The following KCNMA1 variants were observed in gnomAD, a reference collection of about 807,000 sequenced individuals.
KCNMA1 encodes potassium calcium-activated channel subfamily M alpha 1.
A neutral mutation model predicts 140.0 loss-of-function variants in KCNMA1; 29 were observed. The ratio of observed to expected loss-of-function variants is 0.21; its 90% CI spans 0.15 to 0.28. KCNMA1 has a LOEUF of 0.28. Among genes scored for constraint, KCNMA1 ranks in the 10% least tolerant of loss-of-function variants. The probability of loss-of-function intolerance (pLI) is 1.00; values close to 1 mark genes in which losing one functional copy is unlikely to be tolerated. For synonymous variants in KCNMA1, 612 were observed against 611.9 expected, an observed-to-expected ratio of 1.00 and a Z score of 0.00; for missense variants, 880 against 1,602.2, an observed-to-expected ratio of 0.55 and a Z score of 7.70.
At chr10:77,169,315 G>A (rs11002058) in intron 5 of KCNMA1, among the ~76,000 whole-genome samples, 23,818 of 152,074 alleles carry the variant, frequency 0.16, 2,103 homozygotes, top group African/African-American at 0.23. Flanking sequence ...GGCTGGAGAA[G>A]AAGGCTAGGT....
At chr10:77,278,975 G>C (rs1429634256) in intron 2 of KCNMA1, among the ~76,000 whole-genome samples, 3 of 152,102 alleles carry the variant, frequency 2.0e-5, no homozygotes, top group African/African-American at 7.2e-5. Flanking sequence ...TGATGAATAG[G>C]AATAGTCCAT....
intron 15 of KCNMA1, among the ~76,000 whole-genome samples, chr10:77,033,709 T>G (rs2094116185): frequency 6.6e-6 from 1 of 152,120 alleles, no homozygotes; most frequent in Non-Finnish European, 1.5e-5. Context: ...CCCTGACCCT[T>G]CTGTAGAGAA....
intron 1 of KCNMA1, among the ~76,000 whole-genome samples, chr10:77,558,679 A>C (rs1019229739): frequency 2.6e-5 from 4 of 152,160 alleles, no homozygotes; most frequent in African/African-American, 9.7e-5. Flanking sequence ...GCCCCCAAGA[A>C]AGCTGCCCCT....
intron 16 of KCNMA1, chr10:77,020,979 G>C (rs2092767817): frequency 6.6e-6 from 1 of 151,954 alleles, no homozygotes; most frequent in Non-Finnish European, 1.5e-5. Context: ...TGTATAGAAG[G>C]CTCAATGCAT....
At chr10:77,556,502 CAAAAAAAAAAA>C (rs11446237) in intron 1 of KCNMA1, among the ~76,000 whole-genome samples, 2 of 68,902 alleles carry the variant, frequency 2.9e-5, no homozygotes, top group African/African-American at 6.9e-5. Flanking sequence ...GGGACTATCT[CAAAAAAAAAAA>C]AAAAAAAAAA....
intron 1 of KCNMA1, among the ~76,000 whole-genome samples, chr10:77,560,714 G>A (rs1032114652): frequency 6.6e-6 from 1 of 152,194 alleles, no homozygotes; most frequent in Non-Finnish European, 1.5e-5. Context: ...GATCTCCTGA[G>A]GCTGACCAGG....
At chr10:77,571,243 G>T (rs1192754659) in intron 1 of KCNMA1, among the ~76,000 whole-genome samples, 5 of 152,160 alleles carry the variant, frequency 3.3e-5, no homozygotes, top group Non-Finnish European at 2.9e-5. Flanking sequence ...CGTGGTGACT[G>T]GTTTCCTCAT....
chr10:77,150,031 T>C (rs2098389890), intron 5 of KCNMA1: 1 of 152,148 alleles, frequency 6.6e-6, no homozygotes, highest in African/African-American at 2.4e-5. Flanking sequence ...CAGAAGTTGG[T>C]CTCGGGCTAT....
At chr10:77,521,414 G>C (rs2053340685) in intron 1 of KCNMA1, among the ~76,000 whole-genome samples, 2 of 152,208 alleles carry the variant, frequency 1.3e-5, no homozygotes, top group Non-Finnish European at 2.9e-5. Context: ...TGGCAGCAAA[G>C]TGCAAGATTA....
intron 1 of KCNMA1, among the ~76,000 whole-genome samples, chr10:77,587,377 C>T (rs950250438): frequency 6.6e-6 from 1 of 152,136 alleles, no homozygotes; most frequent in African/African-American, 2.4e-5. Context: ...TCTCTCCAAG[C>T]ATTATAATGA....
At chr10:77,256,181 T>C (rs555766) in intron 2 of KCNMA1, among the ~76,000 whole-genome samples, 116,920 of 152,094 alleles carry the variant, frequency 0.77, 45,521 homozygotes, top group East Asian at 0.96. Flanking sequence ...GTGATTGAGT[T>C]GGGAAAGCTG....
chr10:77,564,285 T>C (rs944230853), intron 1 of KCNMA1, among the ~76,000 whole-genome samples: 2 of 152,054 alleles, frequency 1.3e-5, no homozygotes. Context: ...TCAAAGGTGA[T>C]TTCATGGCCA....
chr10:77,224,857 A>G (rs1565332076), intron 3 of KCNMA1, among the ~76,000 whole-genome samples: 1 of 152,200 alleles, frequency 6.6e-6, no homozygotes, highest in Non-Finnish European at 1.5e-5. Flanking sequence ...AAGAGCTAAT[A>G]TAAAGAAAAT....
chr10:76,894,590 G>T (rs187635326), intron 25 of KCNMA1, among the ~76,000 whole-genome samples: 1 of 151,874 alleles, frequency 6.6e-6, no homozygotes, highest in East Asian at 1.9e-4. Flanking sequence ...GTCTGATAAG[G>T]GTCTAATATT....
intron 3 of KCNMA1, among the ~76,000 whole-genome samples, chr10:77,237,694 C>A (rs1048054436): frequency 2.0e-5 from 3 of 152,062 alleles, no homozygotes; most frequent in Non-Finnish European, 4.4e-5. Flanking sequence ...CTCAAGTGAT[C>A]CTCTTACCTC....
intron 1 of KCNMA1, among the ~76,000 whole-genome samples, chr10:77,570,893 T>C (rs969388524): frequency 1.1e-4 from 16 of 150,394 alleles, no homozygotes; most frequent in African/African-American, 3.4e-4. Flanking sequence ...ATTGCGCCAC[T>C]GCACTAGAAC....
rs142008071 is a variant in KCNMA1, at chr10:77,406,683, C to T, written c.379-2660G>A. On this transcript the variant is annotated intron_variant, in intron 1 of 27. Transcript: ENST00000286628. ...ACCCCCAGCTCTCTCCTGGCCTCTC[C>T]CTTCACCCAAGGACAGAACCACCTG... Among the ~76,000 whole-genome samples the T allele has an allele frequency of 1.3e-4, 20 of 152,298 alleles. No individual in the cohort carries two copies. The East Asian group carries it at 3.9e-3, about 29-fold the overall frequency.
At chr10:77,506,590 A>AGTGTGTGT (rs1252068587) in intron 1 of KCNMA1, among the ~76,000 whole-genome samples, 1 of 92,774 alleles carries the variant, frequency 1.1e-5, no homozygotes. Context: ...AGAGAGAGAG[A>AGTGTGTGT]GAGAGAGTGT....
At chr10:77,205,817 G>A (rs865955022) in intron 3 of KCNMA1, among the ~76,000 whole-genome samples, 21 of 152,094 alleles carry the variant, frequency 1.4e-4, no homozygotes, top group Admixed American at 4.6e-4. Flanking sequence ...AAATCAGGAC[G>A]ACTTTTTAAA....
Sources: allele counts gnomAD v4.1 joint callset (sites outside exome capture counted in the v4.1 genomes callset), GRCh38; gene constraint gnomAD v4.1.1; transcripts MANE v1.5; gene names NCBI Gene and HGNC (gene_info 2026-07-23, HGNC 2026-07-21).